The following TAMM41 variants were observed in gnomAD, a reference collection of about 807,000 sequenced individuals.
The protein encoded by TAMM41 is TAM41 mitochondrial translocator assembly and maintenance homolog, also known as phosphatidate cytidylyltransferase, mitochondrial.
In TAMM41, 36 loss-of-function variants were observed where a neutral mutation model predicts 44.1. The observed-to-expected ratio is 0.82, with a 90% CI of 0.63 to 1.08. TAMM41 has a LOEUF of 1.08. Ranked by LOEUF, TAMM41 falls within the 50% of genes least tolerant of loss-of-function variation. The pLI is 0.00. For synonymous variants in TAMM41, 164 were observed against 153.1 expected (o/e 1.07, Z -0.53); for missense variants, 417 against 404.3 (o/e 1.03, Z -0.27).
chr3:11,822,635 G>T (rs1345243257), intron 4 of TAMM41, among the ~76,000 whole-genome samples: 2 of 152,150 alleles, frequency 1.3e-5, no homozygotes, highest in Non-Finnish European at 2.9e-5. Flanking sequence ...TATACACATT[G>T]AATTATACAC....
chr3:11,845,686 T>C (rs1434366820), intron 1 of TAMM41, among the ~76,000 whole-genome samples: 1 of 152,156 alleles, frequency 6.6e-6, no homozygotes, highest in East Asian at 1.9e-4. Flanking sequence ...AGCAACAGCA[T>C]AGATGGCCTC....
chr3:11,820,505 G>T (rs2124999206), intron 4 of TAMM41, among the ~76,000 whole-genome samples: 1 of 152,314 alleles, frequency 6.6e-6, no homozygotes, highest in Non-Finnish European at 1.5e-5. Flanking sequence ...GCTTATTTAT[G>T]TCTGCATCCT....
chr3:11,767,642 T>TTTTTTTTTTTTTTTTTTC, the TAMM41 span, among the ~76,000 whole-genome samples: 1 of 137,790 alleles, frequency 7.3e-6, no homozygotes, highest in Non-Finnish European at 1.6e-5. Flanking sequence ...TTTTTTTTTT[T>TTTTTTTTTTTTTTTTTTC]TGAGACAGAG....
the TAMM41 span, among the ~76,000 whole-genome samples, chr3:11,753,744 A>T: frequency 6.6e-6 from 1 of 152,032 alleles, no homozygotes; most frequent in African/African-American, 2.4e-5. Flanking sequence ...CTCAAAAAAA[A>T]AAATAAAATA....
chr3:11,771,977 A>C, the TAMM41 span, among the ~76,000 whole-genome samples: 491 of 152,340 alleles, frequency 3.2e-3, 7 homozygotes, highest in African/African-American at 0.011. Context: ...TGTACCCATC[A>C]TCACCCAAAT....
chr3:11,839,387 G>A (rs997746870), intron 2 of TAMM41, 73 bp from the exon 3 acceptor site: 9 of 990,388 alleles, frequency 9.1e-6, no homozygotes, highest in African/African-American at 1.6e-5. Flanking sequence ...TAAAATATAA[G>A]GAAACAGATA....
At chr3:11,830,529 T>TC (rs1239947181) in intron 3 of TAMM41, among the ~76,000 whole-genome samples, 1 of 152,138 alleles carries the variant, frequency 6.6e-6, no homozygotes, top group Non-Finnish European at 1.5e-5. Flanking sequence ...AGAATTTTTC[T>TC]CCTCAATACA....
chr3:11,784,763 C>T, the TAMM41 span, among the ~76,000 whole-genome samples: 1 of 151,310 alleles, frequency 6.6e-6, no homozygotes, highest in Admixed American at 6.6e-5. Context: ...TTACTCTTTC[C>T]TGCCAGAAAA....
the TAMM41 span, among the ~76,000 whole-genome samples, chr3:11,756,782 T>G: frequency 9.9e-5 from 15 of 151,768 alleles, no homozygotes; most frequent in Admixed American, 2.0e-4. Flanking sequence ...GGGGAATTGC[T>G]TGAACCTGGG....
chr3:11,751,294 G>T, the TAMM41 span, among the ~76,000 whole-genome samples: 1 of 152,048 alleles, frequency 6.6e-6, no homozygotes, highest in Admixed American at 6.6e-5. Flanking sequence ...GTTTCACCAT[G>T]TTGGCCAGTC....
Position 11,839,235 on chromosome 3 carries a change from C to A in TAMM41, c.398G>T (p.Arg133Leu), listed in dbSNP as rs747219108. ...LNWNNLYIAGRLQKPVKIISV... is the reference protein window; with the variant it reads ...LNWNNLYIAGLLQKPVKIISV... ...TAAAACACTCACCGGTTTTTGGAGTCGTCCAGCAATGTATAAGTTATTCCA... is the reference window on the plus strand; with the variant it reads ...TAAAACACTCACCGGTTTTTGGAGTAGTCCAGCAATGTATAAGTTATTCCA... Residue 133 changes from arginine (R) to leucine (L), a missense_variant, in exon 3 of 8, where the codon CGA becomes CTA. By Grantham distance (102) the Arg-to-Leu change is moderately radical (BLOSUM62 -2). Coordinates refer to ENST00000455809, the MANE Select transcript of TAMM41 (RefSeq NM_001284401.2). 1 of 1,611,994 alleles carries A rather than the reference C, an allele frequency of 6.2e-7. No individual in the cohort carries two copies. The highest frequency in any genetic ancestry group is 1.7e-5 in the Admixed American group (1 of 59,898).
At chr3:11,808,211 G>T (rs2077977906) in intron 6 of TAMM41, 1 of 1,089,096 alleles carries the variant, frequency 9.2e-7, no homozygotes, top group Non-Finnish European at 1.1e-6. Flanking sequence ...AAATCTGCTT[G>T]AGATTTCTGG....
intron 7 of TAMM41, among the ~76,000 whole-genome samples, chr3:11,803,040 G>C (rs914603989): frequency 4.6e-5 from 7 of 152,228 alleles, no homozygotes; most frequent in Admixed American, 6.5e-5. Flanking sequence ...GGGAGGCCAA[G>C]GTGGGCAGAT....
At chr3:11,830,189 C>T (rs761366959) in intron 3 of TAMM41, among the ~76,000 whole-genome samples, 4 of 152,212 alleles carry the variant, frequency 2.6e-5, no homozygotes, top group Admixed American at 2.6e-4. Context: ...TATAATCTCA[C>T]TGTCGTCACT....
chr3:11,742,242 G>A, the TAMM41 span, among the ~76,000 whole-genome samples: 1 of 149,794 alleles, frequency 6.7e-6, no homozygotes, highest in Non-Finnish European at 1.5e-5. Flanking sequence ...CTCCCACTGT[G>A]CCCTCTCTCC....
At chr3:11,750,455 C>T in the TAMM41 span, among the ~76,000 whole-genome samples, 1 of 151,976 alleles carries the variant, frequency 6.6e-6, no homozygotes, top group African/African-American at 2.4e-5. Flanking sequence ...ACTACAGGCG[C>T]ATACCACCAT....
At chr3:11,722,112 T>C in the TAMM41 span, among the ~76,000 whole-genome samples, 1 of 152,230 alleles carries the variant, frequency 6.6e-6, no homozygotes, top group Non-Finnish European at 1.5e-5. Flanking sequence ...GATTTCCATT[T>C]TGGGTCAGTG....
the TAMM41 span, among the ~76,000 whole-genome samples, chr3:11,741,680 T>G: frequency 6.7e-6 from 1 of 150,354 alleles, no homozygotes; most frequent in Non-Finnish European, 1.5e-5. Context: ...GTTTTTACCA[T>G]AGATCTTGGC....
the TAMM41 span, among the ~76,000 whole-genome samples, chr3:11,749,085 G>A: frequency 1.3e-5 from 2 of 151,556 alleles, no homozygotes; most frequent in Non-Finnish European, 2.9e-5. Context: ...GCTAATTTTT[G>A]TATTTTTAGT....
Sources: allele counts gnomAD v4.1 joint callset (sites outside exome capture counted in the v4.1 genomes callset), GRCh38; gene constraint gnomAD v4.1.1; transcripts MANE v1.5; gene names NCBI Gene and HGNC (gene_info 2026-07-23, HGNC 2026-07-21).